INPP4B: variants seen among roughly 807,000 people sequenced by gnomAD.
INPP4B encodes inositol polyphosphate-4-phosphatase type II B.
INPP4B carries 55 observed loss-of-function variants against 122.5 expected under a neutral mutation model. That is an observed-to-expected ratio of 0.45 (90% CI 0.36 to 0.56). INPP4B has a LOEUF of 0.56. Among genes scored for constraint, INPP4B ranks in the 20% least tolerant of loss-of-function variants. The pLI is 0.00. For missense variants in INPP4B, 1,000 were observed against 1,097.7 expected (o/e 0.91, Z 1.26); for synonymous variants, 403 against 388.7 (o/e 1.04, Z -0.43).
In INPP4B at chr4:142,314,725, G is replaced by A. The variant is rs377514187; in HGVS notation, c.410C>T (p.Pro137Leu). ...TSVLPEHKDPPPEVGRSFLGY... is the reference protein window; with the variant it reads ...TSVLPEHKDPLPEVGRSFLGY... Reference sequence around the variant, plus strand: ...AGAAACACTTACCCCAACTTCTGGCGGGGGATCCTTATGTTCTGGTAGGAC... The same window carrying A: ...AGAAACACTTACCCCAACTTCTGGCAGGGGATCCTTATGTTCTGGTAGGAC... The change falls in exon 8 of 26, where the codon CCG (proline) becomes CTG (leucine). Residue 137 changes from proline to leucine, a missense_variant. Coordinates refer to ENST00000262992, the MANE Select transcript of INPP4B (RefSeq NM_001101669.3). 77 of 1,600,888 alleles carry A rather than the reference G, an allele frequency of 4.8e-5. No homozygotes were observed. Among genetic ancestry groups the A allele is most frequent in the South Asian group, 3.4e-4 (30 of 87,462 alleles).
chr4:142,233,134 T>C (rs1403910290), intron 12 of INPP4B, among the ~76,000 whole-genome samples: 3 of 152,126 alleles, frequency 2.0e-5, no homozygotes, highest in African/African-American at 7.2e-5. Flanking sequence ...GTGGCTATCA[T>C]TGATGAATGT....
At chr4:142,070,847 A>C (rs1467026942) in intron 25 of INPP4B, among the ~76,000 whole-genome samples, 1 of 152,218 alleles carries the variant, frequency 6.6e-6, no homozygotes, top group African/African-American at 2.4e-5. Flanking sequence ...GGACACAAGC[A>C]AATGGAAGAA....
At chr4:142,317,197 G>C (rs1768040333) in intron 7 of INPP4B, 2 of 220,812 alleles carry the variant, frequency 9.1e-6, no homozygotes, top group South Asian at 1.4e-4. Flanking sequence ...AGTTCAGGGG[G>C]AAGAGTAAGA....
chr4:142,466,580 G>A (rs968482296), intron 2 of INPP4B, among the ~76,000 whole-genome samples: 14 of 152,334 alleles, frequency 9.2e-5, no homozygotes, highest in South Asian at 2.1e-4. Context: ...ATGTGGCAGA[G>A]GGGAAGAAAA....
At chr4:142,713,400 T>A (rs1008205883) in intron 2 of INPP4B, among the ~76,000 whole-genome samples, 2 of 151,990 alleles carry the variant, frequency 1.3e-5, no homozygotes, top group African/African-American at 4.8e-5. Flanking sequence ...CCAGAAAGAG[T>A]CTACTGCATT....
At chr4:142,678,532 T>C (rs576264602) in intron 2 of INPP4B, among the ~76,000 whole-genome samples, 1 of 151,944 alleles carries the variant, frequency 6.6e-6, no homozygotes, top group East Asian at 1.9e-4. Context: ...AGGTATCCCT[T>C]AGGTTTATTT....
intron 10 of INPP4B, among the ~76,000 whole-genome samples, chr4:142,270,270 T>A (rs533183961): frequency 6.6e-5 from 10 of 152,292 alleles, no homozygotes; most frequent in Non-Finnish European, 1.5e-4. Flanking sequence ...AAATCGCATA[T>A]CTTTCCAAAG....
intron 2 of INPP4B, among the ~76,000 whole-genome samples, chr4:142,475,604 A>G (rs1246623795): frequency 6.6e-6 from 1 of 152,162 alleles, no homozygotes; most frequent in Non-Finnish European, 1.5e-5. Flanking sequence ...ATATAATAAA[A>G]TGGTACAGAA....
At chr4:142,537,399 A>AGT (rs1828330555) in intron 2 of INPP4B, among the ~76,000 whole-genome samples, 4 of 48,438 alleles carry the variant, frequency 8.3e-5, no homozygotes, top group Non-Finnish European at 1.5e-4. Flanking sequence ...TTTTACATAC[A>AGT]GTATATATAT....
chr4:142,119,047 G>A (rs55750430), intron 21 of INPP4B, among the ~76,000 whole-genome samples: 2,048 of 152,286 alleles, frequency 0.013, 54 homozygotes, highest in African/African-American at 0.047. Flanking sequence ...ATGAAAATAT[G>A]CTCATCATCA....
At chr4:142,199,025 T>C (rs1839594452) in intron 14 of INPP4B, among the ~76,000 whole-genome samples, 1 of 152,038 alleles carries the variant, frequency 6.6e-6, no homozygotes, top group Non-Finnish European at 1.5e-5. Flanking sequence ...CCTATTATAG[T>C]CCTAAATTCA....
chr4:142,116,289 A>C (rs928714789), intron 21 of INPP4B, among the ~76,000 whole-genome samples: 7 of 152,156 alleles, frequency 4.6e-5, no homozygotes, highest in Non-Finnish European at 8.8e-5. Context: ...CAGGAATTGA[A>C]CTCAGCTCTG....
At chr4:142,115,456 A>G (rs1578954253) in intron 21 of INPP4B, among the ~76,000 whole-genome samples, 1 of 152,170 alleles carries the variant, frequency 6.6e-6, no homozygotes, top group African/African-American at 2.4e-5. Flanking sequence ...GACTAACAGC[A>G]GATCTCTTGG....
intron 2 of INPP4B, among the ~76,000 whole-genome samples, chr4:142,704,976 T>C (rs1762284087): frequency 1.3e-5 from 2 of 152,206 alleles, no homozygotes; most frequent in Admixed American, 6.5e-5. Flanking sequence ...AATGCATTTC[T>C]CAGTTTTTAT....
chr4:142,830,302 C>G lies in INPP4B; in HGVS notation c.-254+15907G>C, dbSNP rs76144804. Among the ~76,000 whole-genome samples the G allele has an allele frequency of 3.5e-4, 54 of 152,188 alleles. No homozygotes were observed. In the East Asian group the frequency reaches 9.9e-3, roughly 28 times the overall value. On this transcript the variant is annotated intron_variant, in intron 1 of 25. Transcript: ENST00000262992. ...ATGCAATTTAATATTGCCAAGTGGT[C>G]AAGTAAAATGAAGACAGAGAAGTAC... is the stretch of plus-strand genomic sequence containing the variant.
chr4:142,060,068 C>T lies in INPP4B; in HGVS notation c.2642+21963G>A, dbSNP rs563559235. On this transcript the variant is annotated intron_variant, in intron 25 of 25. Coordinates refer to ENST00000262992, the MANE Select transcript of INPP4B (RefSeq NM_001101669.3). ...ATGGCTACTTGCTATACATACGTGA[C>T]TGATTTTTGGTTTTGCACCTTTCAC... 6.8e-4 allele frequency among the ~76,000 whole-genome samples: 103 copies of T among 152,280 alleles called. 2 individuals are homozygous for T. The South Asian group carries it at 0.02, about 30-fold the overall frequency.
chr4:142,729,024 G>A (rs1053215830), intron 1 of INPP4B, among the ~76,000 whole-genome samples: 1 of 152,138 alleles, frequency 6.6e-6, no homozygotes, highest in African/African-American at 2.4e-5. Context: ...TTCTAAAGAT[G>A]GGGGAGGTGG....
At chr4:142,335,881 C>T (rs1776396519) in intron 7 of INPP4B, among the ~76,000 whole-genome samples, 2 of 152,164 alleles carry the variant, frequency 1.3e-5, no homozygotes, top group South Asian at 4.1e-4. Context: ...ACCAGTGAAA[C>T]CCAAACTTAA....
At chr4:142,109,619 A>G (rs949524247) in intron 22 of INPP4B, among the ~76,000 whole-genome samples, 36 of 152,206 alleles carry the variant, frequency 2.4e-4, no homozygotes, top group Admixed American at 4.6e-4. Flanking sequence ...ACTTTTCTTG[A>G]TAGCTTGATT....
Sources: allele counts gnomAD v4.1 joint callset (sites outside exome capture counted in the v4.1 genomes callset), GRCh38; gene constraint gnomAD v4.1.1; transcripts MANE v1.5; gene names NCBI Gene and HGNC (gene_info 2026-07-23, HGNC 2026-07-21).